CARD19: variants seen among roughly 807,000 people sequenced by gnomAD.
CARD19 encodes the protein caspase recruitment domain-containing protein 19.
In CARD19, 25 loss-of-function variants were observed where a neutral mutation model predicts 24.1. That is an observed-to-expected ratio of 1.04 (90% CI 0.76 to 1.45). The LOEUF (loss-of-function observed/expected upper bound fraction) is 1.45, where lower values mean the gene tolerates loss of function less well. Among genes scored for constraint, CARD19 ranks in the 40% most tolerant of loss-of-function variants. The pLI is 0.00. For synonymous variants in CARD19, 103 were observed against 104.9 expected, an observed-to-expected ratio of 0.98 and a Z score of 0.11; for missense variants, 241 against 247.4, an observed-to-expected ratio of 0.97 and a Z score of 0.17.
intron 1 of CARD19, 61 bp from the exon 2 acceptor site, chr9:93,107,613 G>A: frequency 6.3e-7 from 1 of 1,595,116 alleles, no homozygotes; most frequent in Middle Eastern, 1.8e-4. Context: ...GTCAGTACGA[G>A]GCTGTCGTCT....
chr9:93,101,902 G>A (rs1322285379), intron 1 of CARD19, among the ~76,000 whole-genome samples: 4 of 151,200 alleles, frequency 2.6e-5, no homozygotes, highest in African/African-American at 7.3e-5. Context: ...TAATGAGTAC[G>A]AAGTGATATC....
intron 3 of CARD19, 191 bp downstream of exon 3, chr9:93,110,912 G>A: frequency 1.3e-6 from 2 of 1,533,138 alleles, no homozygotes; most frequent in Non-Finnish European, 1.7e-6. Context: ...GGCAGGCACA[G>A]GCAGTGCAGA....
intron 2 of CARD19, 92 bp downstream of exon 2, chr9:93,107,908 C>T: frequency 6.0e-6 from 9 of 1,495,604 alleles, no homozygotes; most frequent in Non-Finnish European, 8.3e-6. Flanking sequence ...CTGGGTCATT[C>T]TCTCATGGGA....
intron 3 of CARD19, chr9:93,111,138 G>A (rs1827469738): frequency 6.5e-6 from 8 of 1,226,482 alleles, no homozygotes; most frequent in Admixed American, 3.1e-5. Flanking sequence ...ACCCCATGAC[G>A]GACCCTTTCA....
intron 1 of CARD19, among the ~76,000 whole-genome samples, chr9:93,104,720 G>A (rs533468773): frequency 2.6e-5 from 4 of 152,068 alleles, no homozygotes; most frequent in Non-Finnish European, 5.9e-5. Flanking sequence ...TTTTATTTAC[G>A]TTATCCAATT....
chr9:93,110,951 C>A, intron 3 of CARD19: 1 of 1,527,700 alleles, frequency 6.5e-7, no homozygotes. Context: ...ACTTTCTCCC[C>A]CTTCCTCCGT....
intron 5 of CARD19, 143 bp downstream of exon 5, chr9:93,112,432 G>A (rs1192999692): frequency 1.2e-5 from 8 of 689,722 alleles, no homozygotes; most frequent in Non-Finnish European, 2.0e-5. Flanking sequence ...GTGTCACCTC[G>A]CAGGGCTCCT....
chr9:93,113,282 C>G lies in CARD19; in HGVS notation c.*175C>G. On this transcript the variant is annotated 3_prime_UTR_variant, in exon 6 of 6. Transcript: ENST00000375464. Reference sequence around the variant, plus strand: ...ACCATATTAAATGTTCAGGTTCTCTCAGCCTGCCTCGTTCCTCAGTCTCAG... The same window carrying G: ...ACCATATTAAATGTTCAGGTTCTCTGAGCCTGCCTCGTTCCTCAGTCTCAG... 1 of 494,710 alleles carries G rather than the reference C, an allele frequency of 2.0e-6. No homozygotes were observed. 30.6% of individuals were successfully genotyped at this position (494,710 alleles called of 1,614,324 possible). A position where few individuals can be genotyped will look rare whatever the true frequency, so the allele number is the denominator to read the frequency against.
intron 2 of CARD19, among the ~76,000 whole-genome samples, chr9:93,109,410 C>T (rs751670514): frequency 2.2e-4 from 33 of 152,072 alleles, no homozygotes; most frequent in Non-Finnish European, 4.3e-4. Context: ...GTGGCCTGTC[C>T]ACTGACCTTG....
intron 1 of CARD19, among the ~76,000 whole-genome samples, chr9:93,099,614 C>T (rs1337239470): frequency 6.6e-6 from 1 of 152,232 alleles, no homozygotes; most frequent in Non-Finnish European, 1.5e-5. Context: ...TGAATTTTGG[C>T]TAATTCATCT....
chr9:93,109,098 T>G (rs1218403440), intron 2 of CARD19: 4 of 152,260 alleles, frequency 2.6e-5, no homozygotes, highest in African/African-American at 7.2e-5. Context: ...CTCAGGTGCT[T>G]CTTCCGTTTT....
chr9:93,101,118 C>A (rs557147814), intron 1 of CARD19, among the ~76,000 whole-genome samples: 18 of 152,114 alleles, frequency 1.2e-4, no homozygotes, highest in Non-Finnish European at 2.6e-4. Context: ...CACTTTGTTG[C>A]CCAGGCTGGA....
Position 93,111,765 on chromosome 9 carries a change from G to T in CARD19, c.305-114G>T, listed in dbSNP as rs373819188. ...GGGCTAGCCTCAGGTGCCACAGCCT[G>T]GTTCGGCCTGGCGGCCCCAGGAGGC... On this transcript the variant is annotated intron_variant, in intron 3 of 5. Coordinates refer to ENST00000375464, the MANE Select transcript of CARD19 (RefSeq NM_032310.5). 10 of 1,514,758 alleles carry T rather than the reference G, an allele frequency of 6.6e-6. No homozygotes were observed. The African/African-American group carries it at 1.2e-4, about 19-fold the overall frequency. 93.8% of individuals were successfully genotyped at this position (1,514,758 alleles called of 1,614,324 possible).
intron 1 of CARD19, among the ~76,000 whole-genome samples, chr9:93,102,654 T>G (rs1266778821): frequency 6.6e-5 from 1 of 15,160 alleles, no homozygotes; most frequent in Admixed American, 1.1e-3. Context: ...CTGTTGTTGT[T>G]TTTTTTTTTT....
At chr9:93,104,818 A>G (rs1827197228) in intron 1 of CARD19, among the ~76,000 whole-genome samples, 1 of 152,066 alleles carries the variant, frequency 6.6e-6, no homozygotes, top group South Asian at 2.1e-4. Flanking sequence ...TATTCCTGAT[A>G]CTAGTAATTT....
At chr9:93,108,143 T>C (rs1827333147) in intron 2 of CARD19, among the ~76,000 whole-genome samples, 1 of 151,904 alleles carries the variant, frequency 6.6e-6, no homozygotes, top group Non-Finnish European at 1.5e-5. Context: ...CACAACAGTA[T>C]AAGATACGGA....
chr9:93,111,106 C>G (rs12343422), intron 3 of CARD19: 1 of 1,274,368 alleles, frequency 7.8e-7, no homozygotes, highest in Non-Finnish European at 1.0e-6. Context: ...CGCTCCTAGG[C>G]GGTCCCAGCT....
chr9:93,098,477 C>T (rs1485359086), intron 1 of CARD19, among the ~76,000 whole-genome samples: 1 of 152,158 alleles, frequency 6.6e-6, no homozygotes, highest in African/African-American at 2.4e-5. Flanking sequence ...GGTCCATAGT[C>T]CTGGTGCCAG....
chr9:93,108,716 A>G (rs921462204), intron 2 of CARD19, among the ~76,000 whole-genome samples: 2 of 152,088 alleles, frequency 1.3e-5, no homozygotes, highest in African/African-American at 2.4e-5. Flanking sequence ...AGTTCATCCT[A>G]TTATTTGGGA....
Sources: allele counts gnomAD v4.1 joint callset (sites outside exome capture counted in the v4.1 genomes callset), GRCh38; gene constraint gnomAD v4.1.1; transcripts MANE v1.5; gene names NCBI Gene and HGNC (gene_info 2026-07-23, HGNC 2026-07-21).